LIN7A: variants seen among roughly 807,000 people sequenced by gnomAD.
The protein encoded by LIN7A is lin-7 cell polarity scaffold A.
LIN7A carries 25 observed loss-of-function variants against 29.8 expected under a neutral mutation model. The ratio of observed to expected loss-of-function variants is 0.84; its 90% CI spans 0.61 to 1.17. LIN7A has a LOEUF of 1.17. LIN7A is among the 50% of genes most tolerant of loss of function. The pLI is 0.00. For synonymous variants in LIN7A, 118 were observed against 107.5 expected (o/e 1.10, Z -0.60); for missense variants, 239 against 287.0 (o/e 0.83, Z 1.21).
At chr12:80,852,743 T>C (rs1211676249) in intron 2 of LIN7A, among the ~76,000 whole-genome samples, 4 of 152,182 alleles carry the variant, frequency 2.6e-5, no homozygotes, top group African/African-American at 9.7e-5. Context: ...TTGCCTTTTG[T>C]ATTTTGATGT....
At chr12:80,871,075 C>T (rs1479353880) in intron 2 of LIN7A, among the ~76,000 whole-genome samples, 4 of 152,118 alleles carry the variant, frequency 2.6e-5, no homozygotes, top group Admixed American at 2.0e-4. Context: ...TTGAAGGAGT[C>T]AGTGTTTGTT....
chr12:80,881,233 G>A (rs559249208), intron 2 of LIN7A, among the ~76,000 whole-genome samples: 13 of 152,160 alleles, frequency 8.5e-5, no homozygotes, highest in Admixed American at 3.3e-4. Flanking sequence ...TCCTATCATT[G>A]GCAGGAAACT....
At chr12:80,828,520 A>G (rs1471226536) in intron 4 of LIN7A, among the ~76,000 whole-genome samples, 1 of 152,136 alleles carries the variant, frequency 6.6e-6, no homozygotes, top group Admixed American at 6.5e-5. Flanking sequence ...AATAATAATA[A>G]TAGTAGCTTA....
At chr12:80,826,243 C>G (rs184139292) in intron 4 of LIN7A, among the ~76,000 whole-genome samples, 45 of 152,174 alleles carry the variant, frequency 3.0e-4, no homozygotes, top group Admixed American at 2.9e-3. Flanking sequence ...ATACTAAGAT[C>G]TTTTGCTTAT....
chr12:80,872,768 C>T (rs1008710475), intron 2 of LIN7A, among the ~76,000 whole-genome samples: 2 of 152,126 alleles, frequency 1.3e-5, no homozygotes, highest in Admixed American at 1.3e-4. Context: ...TTGGCTCTGT[C>T]CTGGAGACAA....
chr12:80,891,627 CA>C (rs751188677), intron 1 of LIN7A, among the ~76,000 whole-genome samples: 2 of 152,096 alleles, frequency 1.3e-5, no homozygotes, highest in Non-Finnish European at 2.9e-5. Flanking sequence ...GCTTGAGGGG[CA>C]GGGGTCACAG....
At chr12:80,883,881 G>A (rs970482939) in intron 2 of LIN7A, among the ~76,000 whole-genome samples, 3 of 152,094 alleles carry the variant, frequency 2.0e-5, no homozygotes, top group African/African-American at 7.2e-5. Flanking sequence ...TTCCCACATA[G>A]CCCTCTTGGG....
intron 4 of LIN7A, among the ~76,000 whole-genome samples, chr12:80,823,135 C>T (rs893394826): frequency 1.3e-5 from 2 of 152,180 alleles, no homozygotes; most frequent in Non-Finnish European, 2.9e-5. Flanking sequence ...GCTCACTCTC[C>T]ACTTGTCTAC....
chr12:80,877,561 C>G (rs578017451), intron 2 of LIN7A, among the ~76,000 whole-genome samples: 7 of 151,978 alleles, frequency 4.6e-5, no homozygotes, highest in African/African-American at 1.7e-4. Flanking sequence ...AAGCTGGGAT[C>G]AGTTTTCAGC....
At chr12:80,937,230 AG>A (rs1878285165) in intron 1 of LIN7A, 1 of 173,758 alleles carries the variant, frequency 5.8e-6, no homozygotes, top group African/African-American at 2.4e-5. Context: ...GCAAGCTGAC[AG>A]GCGGCTCCCT....
At chr12:80,847,895 G>A (rs148504082) in intron 3 of LIN7A, among the ~76,000 whole-genome samples, 2 of 152,096 alleles carry the variant, frequency 1.3e-5, no homozygotes, top group African/African-American at 4.8e-5. Flanking sequence ...TCTTTAGACC[G>A]GTGCAAATAA....
intron 4 of LIN7A, among the ~76,000 whole-genome samples, chr12:80,837,283 T>A (rs944068451): frequency 3.9e-5 from 6 of 152,164 alleles, no homozygotes; most frequent in Admixed American, 2.6e-4. Context: ...CCCCAGAACC[T>A]GTAAATATTA....
At chr12:80,889,648 CAT>C (rs542858864) in intron 1 of LIN7A, among the ~76,000 whole-genome samples, 50 of 152,230 alleles carry the variant, frequency 3.3e-4, no homozygotes, top group African/African-American at 1.1e-3. Flanking sequence ...GAGTTGGACA[CAT>C]GTCTATTATT....
intron 2 of LIN7A, among the ~76,000 whole-genome samples, chr12:80,877,121 CAAAAAA>C (rs55779514): frequency 9.4e-6 from 1 of 106,528 alleles, no homozygotes; most frequent in Non-Finnish European, 1.8e-5. Context: ...GACTCTGTCT[CAAAAAA>C]AAAAAAAAAA....
chr12:80,808,115 G>C (rs925844240), intron 5 of LIN7A, among the ~76,000 whole-genome samples: 12 of 152,092 alleles, frequency 7.9e-5, no homozygotes, highest in Non-Finnish European at 2.9e-5. Flanking sequence ...AACTACTCTG[G>C]CTTTCTTTCT....
intron 1 of LIN7A, 82 bp downstream of exon 1, chr12:80,937,559 A>T (rs941123525): frequency 2.2e-5 from 23 of 1,047,860 alleles, no homozygotes; most frequent in Non-Finnish European, 2.9e-5. Context: ...AGCGCGTCCC[A>T]TGTCCCGTTG....
At chr12:80,884,504 G>A (rs937465268) in intron 2 of LIN7A, among the ~76,000 whole-genome samples, 1 of 152,168 alleles carries the variant, frequency 6.6e-6, no homozygotes, top group African/African-American at 2.4e-5. Context: ...CTAGCAAAAG[G>A]AAGAGAACAT....
At chr12:80,800,012 A>G (rs1870637930) in intron 5 of LIN7A, among the ~76,000 whole-genome samples, 1 of 152,146 alleles carries the variant, frequency 6.6e-6, no homozygotes, top group Non-Finnish European at 1.5e-5. Context: ...GACGGATAAA[A>G]TCAATAAACT....
intron 1 of LIN7A, among the ~76,000 whole-genome samples, chr12:80,892,584 G>C (rs1875680032): frequency 6.6e-6 from 1 of 152,068 alleles, no homozygotes; most frequent in Admixed American, 6.6e-5. Flanking sequence ...AAATTATCTA[G>C]GGTGCATTTA....
Sources: gnomAD v4.1 joint callset for allele counts (sites outside exome capture counted in the v4.1 genomes callset) on GRCh38, gnomAD v4.1.1 for gene constraint, MANE v1.5 for transcripts, NCBI Gene and HGNC (gene_info 2026-07-23, HGNC 2026-07-21) for gene names.